The following NFYC variants were observed in gnomAD, a reference collection of about 807,000 sequenced individuals.
The protein encoded by NFYC is nuclear transcription factor Y subunit gamma.
In NFYC, 25 loss-of-function variants were observed where a neutral mutation model predicts 53.1. The ratio of observed to expected loss-of-function variants is 0.47; its 90% CI spans 0.34 to 0.66. The LOEUF is 0.66. Ranked by LOEUF, NFYC falls within the 30% of genes least tolerant of loss-of-function variation. The pLI is 0.01. For synonymous variants in NFYC, 145 were observed against 152.6 expected, an observed-to-expected ratio of 0.95 and a Z score of 0.37; for missense variants, 260 against 422.7, an observed-to-expected ratio of 0.62 and a Z score of 3.38.
At chr1:40,717,799 C>G (rs1450655053) in intron 1 of NFYC, among the ~76,000 whole-genome samples, 2 of 152,152 alleles carry the variant, frequency 1.3e-5, no homozygotes. Context: ...CAGCATCCTG[C>G]ATGAAGCTGA....
chr1:40,748,820 T>C (rs374615823), intron 3 of NFYC, among the ~76,000 whole-genome samples: 2 of 152,218 alleles, frequency 1.3e-5, no homozygotes, highest in South Asian at 2.1e-4. Context: ...AGATTTGATA[T>C]AATAAGAATT....
intron 1 of NFYC, among the ~76,000 whole-genome samples, chr1:40,729,063 T>C (rs796590745): frequency 7.9e-5 from 12 of 152,338 alleles, no homozygotes; most frequent in African/African-American, 2.9e-4. Context: ...TAAACAGATG[T>C]GCTGTCATCC....
At chr1:40,721,478 A>T (rs770675639) in intron 1 of NFYC, 14 of 152,244 alleles carry the variant, frequency 9.2e-5, no homozygotes, top group African/African-American at 3.1e-4. Flanking sequence ...CATAAACAAG[A>T]TTCCTTTCAC....
Position 40,769,349 on chromosome 1 carries a change from C to G in NFYC, c.829-7C>G. Reference sequence around the variant, plus strand: ...ACATACCAACTCTACCATCTTGATTCTTACAGATTACACAGACAGAGGTCC... The same window carrying G: ...ACATACCAACTCTACCATCTTGATTGTTACAGATTACACAGACAGAGGTCC... On this transcript the variant is annotated splice_region_variant and splice_polypyrimidine_tract_variant and intron_variant, in intron 8 of 9. Transcript: ENST00000447388. 3 of 1,613,984 alleles carry G rather than the reference C, an allele frequency of 1.9e-6. No homozygotes were observed. The highest frequency in any genetic ancestry group is 2.5e-6 in the Non-Finnish European group (3 of 1,179,932).
chr1:40,742,438 G>C (rs886845491), intron 2 of NFYC, among the ~76,000 whole-genome samples: 7 of 152,194 alleles, frequency 4.6e-5, no homozygotes, highest in African/African-American at 1.7e-4. Context: ...TGATCATGAT[G>C]TTGACCAAAT....
chr1:40,737,515 G>A (rs1645100889), intron 1 of NFYC, among the ~76,000 whole-genome samples: 1 of 151,834 alleles, frequency 6.6e-6, no homozygotes, highest in Non-Finnish European at 1.5e-5. Context: ...TTTTAGTAGA[G>A]ATGGGGTTTC....
At chr1:40,710,854 C>T (rs1643906964) in intron 1 of NFYC, among the ~76,000 whole-genome samples, 1 of 152,160 alleles carries the variant, frequency 6.6e-6, no homozygotes, top group African/African-American at 2.4e-5. Flanking sequence ...CCTTGAAAAA[C>T]TGCTGGGGAG....
At chr1:40,744,170 T>C (rs1231357804) in intron 2 of NFYC, among the ~76,000 whole-genome samples, 1 of 152,178 alleles carries the variant, frequency 6.6e-6, no homozygotes, top group East Asian at 1.9e-4. Flanking sequence ...CTCAAAGGAA[T>C]GTGAACCCTA....
chr1:40,702,931 C>T (rs1227758375), intron 1 of NFYC, among the ~76,000 whole-genome samples: 3 of 152,108 alleles, frequency 2.0e-5, no homozygotes, highest in African/African-American at 4.8e-5. Flanking sequence ...ATTCTGCTGC[C>T]CCAGCCTCCC....
chr1:40,771,465 C>T lies in NFYC; in HGVS notation c.*637C>T. On this transcript the variant is annotated 3_prime_UTR_variant, in exon 10 of 10. Coordinates refer to ENST00000447388, the MANE Select transcript of NFYC (RefSeq NM_014223.5). ...TGGATTCATTGCCACACTCTTTTCT[C>T]CCAGGGACCCAGGAAACTAGGACTT... 4.3e-6 allele frequency: 2 copies of T among 470,390 alleles called. No individual in the cohort carries two copies. The highest frequency in any genetic ancestry group is 3.1e-5 in the South Asian group (2 of 64,384). The allele number at this position is 470,390 out of a possible 1,614,324, so 29.1% of individuals were successfully genotyped here.
At chr1:40,761,396 G>C (rs1238097692) in intron 6 of NFYC, among the ~76,000 whole-genome samples, 1 of 152,164 alleles carries the variant, frequency 6.6e-6, no homozygotes, top group African/African-American at 2.4e-5. Flanking sequence ...ATTTCAAGTT[G>C]AGTGCAAATA....
chr1:40,707,475 A>G, intron 1 of NFYC, among the ~76,000 whole-genome samples: 1 of 117,798 alleles, frequency 8.5e-6, no homozygotes, highest in Non-Finnish European at 1.8e-5. Context: ...GTGAGACTCC[A>G]TCTCCAAAAA....
chr1:40,740,092 A>T (rs917777949), intron 2 of NFYC, among the ~76,000 whole-genome samples: 2 of 152,206 alleles, frequency 1.3e-5, no homozygotes, highest in Non-Finnish European at 2.9e-5. Context: ...AAGAATGTTC[A>T]TTAAGGTGTC....
intron 1 of NFYC, among the ~76,000 whole-genome samples, chr1:40,713,282 G>A (rs1644004394): frequency 6.6e-6 from 1 of 152,138 alleles, no homozygotes; most frequent in Non-Finnish European, 1.5e-5. Context: ...AGTCAGCATT[G>A]GTGTCTGCTT....
intron 6 of NFYC, among the ~76,000 whole-genome samples, chr1:40,759,641 G>C (rs1216845582): frequency 6.6e-6 from 1 of 151,886 alleles, no homozygotes; most frequent in Non-Finnish European, 1.5e-5. Context: ...TGTAGGGGAG[G>C]GGATGAGTAG....
At chr1:40,768,979 C>T (rs1277464025) in intron 8 of NFYC, 10 of 175,422 alleles carry the variant, frequency 5.7e-5, no homozygotes, top group Non-Finnish European at 9.8e-5. Context: ...CTTTGCAGTC[C>T]GCCTTCACTG....
intron 1 of NFYC, among the ~76,000 whole-genome samples, chr1:40,713,515 G>C (rs1164809633): frequency 5.3e-5 from 8 of 152,298 alleles, no homozygotes; most frequent in Admixed American, 4.6e-4. Context: ...ATTAAAAGTT[G>C]AACATGGCTG....
chr1:40,766,530 GAA>G, intron 7 of NFYC, 64 bp from the exon 8 acceptor site: 2 of 1,221,954 alleles, frequency 1.6e-6, no homozygotes, highest in Non-Finnish European at 2.3e-6. Context: ...TCTGGTCATG[GAA>G]AGTTTGCCTG....
chr1:40,694,202 G>C (rs1642999822), intron 1 of NFYC, among the ~76,000 whole-genome samples: 1 of 152,236 alleles, frequency 6.6e-6, no homozygotes, highest in Non-Finnish European at 1.5e-5. Flanking sequence ...CAGTTCCTTA[G>C]GGTGTCCCCA....
Sources: gnomAD v4.1 joint callset for allele counts (sites outside exome capture counted in the v4.1 genomes callset) on GRCh38, gnomAD v4.1.1 for gene constraint, MANE v1.5 for transcripts, NCBI Gene and HGNC (gene_info 2026-07-23, HGNC 2026-07-21) for gene names.